The following MALRD1 variants were observed in gnomAD, a reference collection of about 807,000 sequenced individuals.
MALRD1 encodes the protein MAM and LDL-receptor class A domain-containing protein 1.
A neutral mutation model predicts 242.1 loss-of-function variants in MALRD1; 247 were observed. The observed-to-expected ratio is 1.02, with a 90% CI of 0.92 to 1.13. The LOEUF (loss-of-function observed/expected upper bound fraction) is 1.13, where lower values mean the gene tolerates loss of function less well. Among genes scored for constraint, MALRD1 ranks in the 50% most tolerant of loss-of-function variants. MALRD1 has a pLI of 0.00. For missense variants in MALRD1, 2,989 were observed against 2,533.1 expected (o/e 1.18, Z -3.86); for synonymous variants, 995 against 866.6 (o/e 1.15, Z -2.60).
At chr10:19,131,867 G>C (rs1378073586) in intron 8 of MALRD1, among the ~76,000 whole-genome samples, 1 of 152,194 alleles carries the variant, frequency 6.6e-6, no homozygotes, top group African/African-American at 2.4e-5. Flanking sequence ...AAGCTTTGCT[G>C]AGTTGGAGAT....
At chr10:19,665,390 G>C (rs371747600) in intron 36 of MALRD1, among the ~76,000 whole-genome samples, 3 of 152,046 alleles carry the variant, frequency 2.0e-5, no homozygotes, top group African/African-American at 7.2e-5. Context: ...TCTTTCTTCC[G>C]GTGATAAGGT....
intron 33 of MALRD1, among the ~76,000 whole-genome samples, chr10:19,584,213 T>C (rs1165968782): frequency 2.0e-5 from 3 of 152,132 alleles, no homozygotes; most frequent in African/African-American, 7.2e-5. Context: ...GTTTTTTGTG[T>C]CTCTATTTCC....
At chr10:19,326,860 T>C (rs1034099062) in intron 22 of MALRD1, among the ~76,000 whole-genome samples, 1 of 152,168 alleles carries the variant, frequency 6.6e-6, no homozygotes, top group Non-Finnish European at 1.5e-5. Flanking sequence ...TTTAATACAC[T>C]GTGTAAGTCA....
chr10:19,145,728 G>A (rs1164280468), intron 10 of MALRD1, among the ~76,000 whole-genome samples: 1 of 151,410 alleles, frequency 6.6e-6, no homozygotes, highest in Non-Finnish European at 1.5e-5. Flanking sequence ...ATTCCAAAAT[G>A]GCTAGGTATT....
intron 1 of MALRD1, among the ~76,000 whole-genome samples, chr10:19,066,287 T>A (rs914868969): frequency 6.6e-6 from 1 of 152,202 alleles, no homozygotes; most frequent in Admixed American, 6.5e-5. Flanking sequence ...AGATGAGGAA[T>A]CCATAGATGC....
intron 26 of MALRD1, among the ~76,000 whole-genome samples, chr10:19,357,617 G>T (rs574826568): frequency 6.6e-6 from 1 of 152,158 alleles, no homozygotes; most frequent in East Asian, 1.9e-4. Flanking sequence ...GATGTCTCAT[G>T]AGTAGTGTAT....
At chr10:19,449,186 T>C (rs1289145738) in intron 28 of MALRD1, among the ~76,000 whole-genome samples, 1 of 152,168 alleles carries the variant, frequency 6.6e-6, no homozygotes, top group Non-Finnish European at 1.5e-5. Flanking sequence ...TTTATTTATT[T>C]ATTTATTTTG....
chr10:19,626,671 T>C (rs1367741659), intron 36 of MALRD1, among the ~76,000 whole-genome samples: 1 of 150,258 alleles, frequency 6.7e-6, no homozygotes, highest in Admixed American at 6.6e-5. Flanking sequence ...ATCACCCACA[T>C]AAAGAGTGCT....
At chr10:19,700,877 G>C (rs1377048305) in intron 38 of MALRD1, among the ~76,000 whole-genome samples, 3 of 152,130 alleles carry the variant, frequency 2.0e-5, no homozygotes, top group Non-Finnish European at 2.9e-5. Flanking sequence ...GATTCCCTCA[G>C]GCTGGGTGCA....
At chr10:19,055,560 C>A (rs1834638843) in intron 1 of MALRD1, among the ~76,000 whole-genome samples, 1 of 152,140 alleles carries the variant, frequency 6.6e-6, no homozygotes, top group Non-Finnish European at 1.5e-5. Context: ...AGTCTTTAAT[C>A]CATTTCAAGT....
chr10:19,441,486 C>A (rs2993647), intron 28 of MALRD1, among the ~76,000 whole-genome samples: 1 of 151,994 alleles, frequency 6.6e-6, no homozygotes, highest in East Asian at 1.9e-4. Context: ...CTAACATTTA[C>A]GTCTTTAATC....
At chr10:19,597,945 A>G (rs1049035949) in intron 34 of MALRD1, among the ~76,000 whole-genome samples, 3 of 152,190 alleles carry the variant, frequency 2.0e-5, no homozygotes, top group African/African-American at 7.2e-5. Flanking sequence ...AGGTCGTTAG[A>G]GTGAAGCATA....
At chr10:19,213,397 C>T (rs1837160998) in intron 18 of MALRD1, among the ~76,000 whole-genome samples, 1 of 152,122 alleles carries the variant, frequency 6.6e-6, no homozygotes, top group African/African-American at 2.4e-5. Context: ...CTATGCCCCG[C>T]TAATTTTTGT....
intron 14 of MALRD1, among the ~76,000 whole-genome samples, chr10:19,175,535 G>A (rs1256700468): frequency 1.3e-5 from 2 of 148,406 alleles, no homozygotes; most frequent in Admixed American, 6.8e-5. Flanking sequence ...CCAGTAATAT[G>A]GAAAATATTC....
intron 36 of MALRD1, among the ~76,000 whole-genome samples, chr10:19,662,624 C>T (rs1841494753): frequency 6.6e-6 from 1 of 152,076 alleles, no homozygotes; most frequent in South Asian, 2.1e-4. Flanking sequence ...CAAGGTCATC[C>T]AATTATTCAA....
intron 33 of MALRD1, among the ~76,000 whole-genome samples, chr10:19,582,224 T>A (rs1466344381): frequency 6.6e-6 from 1 of 152,132 alleles, no homozygotes; most frequent in African/African-American, 2.4e-5. Flanking sequence ...CTCTTTAGTT[T>A]AATTAGATCC....
chr10:19,393,507 G>T (rs1367032716), intron 28 of MALRD1, among the ~76,000 whole-genome samples: 1 of 139,088 alleles, frequency 7.2e-6, no homozygotes, highest in Non-Finnish European at 1.5e-5. Flanking sequence ...GTGCAGTGGT[G>T]TGATCTCGGC....
chr10:19,445,843 A>C (rs547168689), intron 28 of MALRD1, among the ~76,000 whole-genome samples: 1 of 152,284 alleles, frequency 6.6e-6, no homozygotes, highest in East Asian at 1.9e-4. Context: ...AGGGACGTTT[A>C]AGTCTGCAAA....
Position 19,104,058 on chromosome 10 carries a change from G to T in MALRD1, c.677G>T (p.Gly226Val). The T allele has an allele frequency of 3.2e-6, 4 of 1,233,510 alleles. No homozygotes were observed. Among genetic ancestry groups the T allele is most frequent in the Non-Finnish European group, 4.0e-6 (4 of 987,824 alleles). The allele number at this position is 1,233,510 out of a possible 1,614,324, so 76.4% of individuals were successfully genotyped here. ...IAIDDISFSS[G>V]CLPANDGILL... is the part of the protein sequence containing the mutation. ...ATTGATGATATATCTTTCAGTTCAG[G>T]CTGCTTGCCTGCCAATGGTAAGAAC... The change falls in exon 5 of 40, where the codon GGC becomes GTC. Residue 226 changes from glycine to valine, a missense_variant. Transcript: ENST00000454679.
Sources: gnomAD v4.1 joint callset for allele counts (sites outside exome capture counted in the v4.1 genomes callset) on GRCh38, gnomAD v4.1.1 for gene constraint, MANE v1.5 for transcripts, NCBI Gene and HGNC (gene_info 2026-07-23, HGNC 2026-07-21) for gene names.